EML5: variants seen among roughly 807,000 people sequenced by gnomAD.
EML5 encodes the protein echinoderm microtubule-associated protein-like 5.
EML5 carries 120 observed loss-of-function variants against 250.0 expected under a neutral mutation model. The ratio of observed to expected loss-of-function variants is 0.48; its 90% confidence interval spans 0.41 to 0.56. The LOEUF is 0.56. EML5 is among the 20% of genes least tolerant of loss of function. EML5 has a pLI of 0.00. For missense variants in EML5, 2,006 were observed against 2,437.6 expected (o/e 0.82, Z 3.73); for synonymous variants, 771 against 806.5 (o/e 0.96, Z 0.75).
At chr14:88,643,884 G>A (rs116757653) in intron 30 of EML5, among the ~76,000 whole-genome samples, 1,979 of 152,222 alleles carry the variant, frequency 0.013, 46 homozygotes, top group African/African-American at 0.044. Context: ...ACAGCTTTAC[G>A]CCTTGTTTAC....
At chr14:88,727,952 TAA>T (rs1467096718) in intron 7 of EML5, among the ~76,000 whole-genome samples, 2 of 152,212 alleles carry the variant, frequency 1.3e-5, no homozygotes, top group African/African-American at 4.8e-5. Flanking sequence ...CCATATAATC[TAA>T]AAGACAAAGA....
At chr14:88,657,234 A>T (rs1251912839) in intron 27 of EML5, 142 bp downstream of exon 27, 1 of 768,058 alleles carries the variant, frequency 1.3e-6, no homozygotes. Flanking sequence ...AAAGACAGAC[A>T]TACTTTCTAA....
intron 1 of EML5, among the ~76,000 whole-genome samples, chr14:88,777,929 T>C (rs1288497350): frequency 6.6e-6 from 1 of 152,216 alleles, no homozygotes; most frequent in African/African-American, 2.4e-5. Context: ...GAGTCAAGAC[T>C]GTGCCACTCT....
In EML5 at chr14:88,773,061, G is replaced by T. The variant is rs2094410414; in HGVS notation, c.198-18390C>A. ...CATGCTTACTCCTTCGGAGGTATCT[G>T]CATGCCAGTGTTACAAGGTAGGCAC... On this transcript the variant is annotated intron_variant, in intron 1 of 43. Transcript: ENST00000554922. Among the ~76,000 whole-genome samples, 3 of 152,182 alleles carry T rather than the reference G, an allele frequency of 2.0e-5. No individual in the cohort carries two copies. The South Asian group carries it at 6.2e-4, about 32-fold the overall frequency.
intron 1 of EML5, among the ~76,000 whole-genome samples, chr14:88,777,785 G>A (rs1307970971): frequency 5.3e-5 from 8 of 152,172 alleles, no homozygotes; most frequent in Non-Finnish European, 1.0e-4. Flanking sequence ...AGACCAGCCT[G>A]GGCAACATGG....
chr14:88,767,665 G>T (rs1165164956), intron 1 of EML5, among the ~76,000 whole-genome samples: 3 of 151,744 alleles, frequency 2.0e-5, no homozygotes, highest in Non-Finnish European at 4.4e-5. Context: ...TTTCTTAATG[G>T]TATATTTAAA....
intron 21 of EML5, among the ~76,000 whole-genome samples, chr14:88,679,059 G>A (rs1245157631): frequency 6.6e-6 from 1 of 151,266 alleles, no homozygotes; most frequent in African/African-American, 2.4e-5. Flanking sequence ...CCAATCCTCT[G>A]CTTCCATCAT....
At chr14:88,626,287 A>G (rs2089930490) in intron 35 of EML5, 2 of 152,510 alleles carry the variant, frequency 1.3e-5, no homozygotes, top group Admixed American at 1.3e-4. Context: ...TTAGAAGATT[A>G]AGGAAGGCTT....
At chr14:88,712,011 G>GA (rs1457526694) in intron 10 of EML5, among the ~76,000 whole-genome samples, 3 of 150,512 alleles carry the variant, frequency 2.0e-5, no homozygotes, top group Admixed American at 6.6e-5. Context: ...GAAGTGAAAA[G>GA]AAAAACGTTT....
intron 8 of EML5, among the ~76,000 whole-genome samples, chr14:88,718,101 A>G (rs2093530176): frequency 6.6e-6 from 1 of 152,166 alleles, no homozygotes; most frequent in African/African-American, 2.4e-5. Flanking sequence ...TTGCTTAGGA[A>G]CATGGATAAT....
In EML5 at chr14:88,690,997, AG is replaced by A. The variant is rs767686411; in HGVS notation, c.2540-2525del. 3.3e-5 allele frequency among the ~76,000 whole-genome samples: 5 copies of A among 152,196 alleles called. No homozygotes were observed. The East Asian group carries it at 9.6e-4, about 29-fold the overall frequency. On this transcript the variant is annotated intron_variant, in intron 17 of 43. Coordinates refer to ENST00000554922, the MANE Select transcript of EML5 (RefSeq NM_183387.3). The stretch of plus-strand genomic sequence containing the variant: ...CAAGTCTGTTTACTTCTCTGCACCC[AG>A]GGTCTGCCTCCCTGGTTTGTGGCTG...
At chr14:88,650,954 A>G (rs2091592089) in intron 27 of EML5, among the ~76,000 whole-genome samples, 1 of 152,106 alleles carries the variant, frequency 6.6e-6, no homozygotes. Context: ...TTTTCCATAT[A>G]AAGTGCTTTA....
chr14:88,731,144 T>C (rs1163011131), intron 7 of EML5, among the ~76,000 whole-genome samples: 4 of 152,152 alleles, frequency 2.6e-5, no homozygotes, highest in Non-Finnish European at 5.9e-5. Flanking sequence ...TATGTATACA[T>C]GCGCCATGTT....
intron 2 of EML5, 26 bp downstream of exon 2, chr14:88,754,486 G>GA (rs757188559): frequency 3.0e-5 from 47 of 1,556,296 alleles, no homozygotes; most frequent in Non-Finnish European, 3.6e-5. Flanking sequence ...ATACAATTTA[G>GA]AAAAAAATGA....
At chr14:88,749,603 TAATA>T (rs539258944) in intron 2 of EML5, among the ~76,000 whole-genome samples, 166 of 152,246 alleles carry the variant, frequency 1.1e-3, no homozygotes, top group Non-Finnish European at 3.4e-4. Flanking sequence ...GTAGAAGTAT[TAATA>T]AATAAATGAC....
At chr14:88,692,664 G>T (rs925383744) in intron 17 of EML5, among the ~76,000 whole-genome samples, 17 of 152,282 alleles carry the variant, frequency 1.1e-4, no homozygotes, top group African/African-American at 3.8e-4. Context: ...TACAACTGTA[G>T]TATATGCTGC....
chr14:88,722,926 T>A (rs1251063670), intron 8 of EML5, among the ~76,000 whole-genome samples: 1 of 152,006 alleles, frequency 6.6e-6, no homozygotes, highest in Non-Finnish European at 1.5e-5. Context: ...ATAAAAAAAA[T>A]GTTCATAAGA....
chr14:88,708,126 C>A (rs2093348420), intron 10 of EML5, among the ~76,000 whole-genome samples: 2 of 152,110 alleles, frequency 1.3e-5, no homozygotes, highest in Admixed American at 1.3e-4. Context: ...GGCAGCTAAA[C>A]AAGAAAGTTG....
Position 88,676,422 on chromosome 14 carries a change from A to C in EML5, c.3124+5468T>G, listed in dbSNP as rs200870978. On this transcript the variant is annotated intron_variant, in intron 21 of 43. Transcript: ENST00000554922. Reference sequence around the variant, plus strand: ...ACACATGAAACCATCAGAAGTCATTAGACTCACTATCACGAGAACAGCACG... The same window carrying C: ...ACACATGAAACCATCAGAAGTCATTCGACTCACTATCACGAGAACAGCACG... 3.3e-5 allele frequency among the ~76,000 whole-genome samples: 5 copies of C among 152,316 alleles called. No individual in the cohort carries two copies. The East Asian group carries it at 9.6e-4, about 29-fold the overall frequency.
Sources: allele counts gnomAD v4.1 joint callset (sites outside exome capture counted in the v4.1 genomes callset), GRCh38; gene constraint gnomAD v4.1.1; transcripts MANE v1.5; gene names NCBI Gene and HGNC (gene_info 2026-07-23, HGNC 2026-07-21).